CCDC102B: variants seen among roughly 807,000 people sequenced by gnomAD.
CCDC102B encodes coiled-coil domain-containing protein 102B.
A neutral mutation model predicts 57.4 loss-of-function variants in CCDC102B; 75 were observed. The ratio of observed to expected loss-of-function variants is 1.31; its 90% CI spans 1.08 to 1.58. CCDC102B has a LOEUF of 1.58. CCDC102B is among the 40% of genes most tolerant of loss of function. The pLI, the probability that CCDC102B is intolerant of heterozygous loss-of-function variation, is 0.00. For synonymous variants in CCDC102B, 206 were observed against 201.9 expected, an observed-to-expected ratio of 1.02 and a Z score of -0.17; for missense variants, 636 against 582.6, an observed-to-expected ratio of 1.09 and a Z score of -0.94.
intron 6 of CCDC102B, among the ~76,000 whole-genome samples, chr18:68,956,701 A>G (rs2034085922): frequency 6.9e-6 from 1 of 145,158 alleles, no homozygotes; most frequent in Non-Finnish European, 1.5e-5. Context: ...AGGAACCTCC[A>G]AACTATTCTC....
At chr18:68,766,657 C>T (rs1294969937) in intron 2 of CCDC102B, among the ~76,000 whole-genome samples, 2 of 152,234 alleles carry the variant, frequency 1.3e-5, no homozygotes, top group African/African-American at 4.8e-5. Context: ...AGAGTAATTC[C>T]TGAGTCTGGT....
chr18:68,958,157 G>T (rs145070847), intron 6 of CCDC102B, among the ~76,000 whole-genome samples: 2 of 152,224 alleles, frequency 1.3e-5, no homozygotes, highest in African/African-American at 4.8e-5. Flanking sequence ...AGAACAGCAT[G>T]GGAAAGACCT....
intron 4 of CCDC102B, among the ~76,000 whole-genome samples, chr18:68,846,747 A>G (rs974779860): frequency 6.6e-6 from 1 of 151,872 alleles, no homozygotes; most frequent in African/African-American, 2.4e-5. Context: ...ATGATGAGCT[A>G]CATGACACAA....
At chr18:68,854,618 T>C (rs1381024567) in intron 4 of CCDC102B, among the ~76,000 whole-genome samples, 1 of 152,174 alleles carries the variant, frequency 6.6e-6, no homozygotes, top group Non-Finnish European at 1.5e-5. Flanking sequence ...TTGTAATACA[T>C]GCCTCTTTGC....
intron 4 of CCDC102B, among the ~76,000 whole-genome samples, chr18:68,856,367 G>A (rs928317382): frequency 5.3e-5 from 8 of 151,972 alleles, no homozygotes; most frequent in Non-Finnish European, 7.4e-5. Context: ...CCTAGCTCAC[G>A]GAAGCTGTAA....
At chr18:68,738,036 G>A (rs112465038) in intron 2 of CCDC102B, among the ~76,000 whole-genome samples, 9 of 152,252 alleles carry the variant, frequency 5.9e-5, no homozygotes, top group African/African-American at 1.9e-4. Context: ...CTCATTTAAT[G>A]TGTGTATTGC....
At chr18:69,036,035 A>G (rs1185780555) in intron 7 of CCDC102B, among the ~76,000 whole-genome samples, 1 of 152,104 alleles carries the variant, frequency 6.6e-6, no homozygotes, top group African/African-American at 2.4e-5. Context: ...TTCAAGTTCC[A>G]TGGCAGGAGT....
At chr18:69,049,523 T>A (rs1377898478) in intron 7 of CCDC102B, among the ~76,000 whole-genome samples, 1 of 152,052 alleles carries the variant, frequency 6.6e-6, no homozygotes, top group East Asian at 1.9e-4. Flanking sequence ...CATTGTAAAA[T>A]ATTCAATTGG....
chr18:68,874,944 G>A (rs1348420567), intron 5 of CCDC102B, 159 bp downstream of exon 5: 3 of 497,668 alleles, frequency 6.0e-6, no homozygotes, highest in African/African-American at 3.8e-5. Flanking sequence ...TTAAAAGGCT[G>A]TGGAATGACA....
chr18:68,753,366 G>A (rs2033933860), intron 2 of CCDC102B: 1 of 151,986 alleles, frequency 6.6e-6, no homozygotes, highest in Non-Finnish European at 1.5e-5. Flanking sequence ...TTCTTCTGAT[G>A]ATCTCTTATG....
At chr18:69,017,011 A>G (rs1020625771) in intron 7 of CCDC102B, among the ~76,000 whole-genome samples, 4 of 152,196 alleles carry the variant, frequency 2.6e-5, no homozygotes, top group Non-Finnish European at 5.9e-5. Flanking sequence ...GTAAACCTCA[A>G]AAGATTTATT....
At chr18:68,750,269 C>A (rs542826226) in intron 2 of CCDC102B, among the ~76,000 whole-genome samples, 1 of 152,024 alleles carries the variant, frequency 6.6e-6, no homozygotes, top group Non-Finnish European at 1.5e-5. Context: ...GTTAGAATGG[C>A]GATCATTAAA....
intron 4 of CCDC102B, among the ~76,000 whole-genome samples, chr18:68,860,872 T>G (rs1397323794): frequency 1.4e-5 from 2 of 146,478 alleles, no homozygotes; most frequent in Non-Finnish European, 3.0e-5. Flanking sequence ...AAGGTAGGAA[T>G]TTTTTTCCAT....
chr18:69,022,246 GCA>G (rs201040947), intron 7 of CCDC102B, among the ~76,000 whole-genome samples: 18 of 137,358 alleles, frequency 1.3e-4, no homozygotes, highest in African/African-American at 2.0e-4. Context: ...GCGTGCGTGT[GCA>G]CACACACACA....
intron 4 of CCDC102B, among the ~76,000 whole-genome samples, chr18:68,862,561 A>G (rs947422516): frequency 5.3e-5 from 8 of 152,158 alleles, no homozygotes; most frequent in African/African-American, 1.9e-4. Context: ...CCCCACAACC[A>G]TATATAGAAG....
chr18:68,810,757 G>C (rs1002399060), intron 1 of CCDC102B, among the ~76,000 whole-genome samples: 2 of 131,544 alleles, frequency 1.5e-5, no homozygotes, highest in African/African-American at 5.6e-5. Flanking sequence ...TTGTTACATA[G>C]GTATACACGT....
rs141109282 is a variant in CCDC102B at position 68,782,657 on chromosome 18, A to G, written c.-66-40709A>G. ...CTGTCTTCACTCTCTAATTTCCAGT[A>G]GTTGGAAATAAAAGATTTGACTTAA... On this transcript the variant is annotated intron_variant, in intron 2 of 3. Coordinates refer to the CCDC102B transcript ENST00000578970. Among the ~76,000 whole-genome samples, 1,352 of 152,288 alleles carry G rather than the reference A, an allele frequency of 8.9e-3. 12 individuals are homozygous for G. Among genetic ancestry groups the G allele is most frequent in the Non-Finnish European group, 0.014 (945 of 68,014 alleles).
chr18:68,737,387 C>T (rs1486708456), intron 2 of CCDC102B, among the ~76,000 whole-genome samples: 1 of 151,998 alleles, frequency 6.6e-6, no homozygotes, highest in Non-Finnish European at 1.5e-5. Context: ...AACACTCTCT[C>T]ATACCCAAGA....
At chr18:68,848,057 A>G (rs1375723550) in intron 4 of CCDC102B, among the ~76,000 whole-genome samples, 2 of 151,832 alleles carry the variant, frequency 1.3e-5, no homozygotes, top group Non-Finnish European at 3.0e-5. Flanking sequence ...AAAACTAAAC[A>G]AACAATACTA....
Sources: gnomAD v4.1 joint callset for allele counts (sites outside exome capture counted in the v4.1 genomes callset) on GRCh38, gnomAD v4.1.1 for gene constraint, MANE v1.5 for transcripts, NCBI Gene and HGNC (gene_info 2026-07-23, HGNC 2026-07-21) for gene names.